DOCK3: variants seen among roughly 807,000 people sequenced by gnomAD.
DOCK3 encodes dedicator of cytokinesis 3.
In DOCK3, 60 loss-of-function variants were observed where a neutral mutation model predicts 265.6. That is an observed-to-expected ratio of 0.23 (90% CI 0.18 to 0.28). The LOEUF is 0.28. DOCK3 is among the 10% of genes least tolerant of loss of function. The pLI, the probability that DOCK3 is intolerant of heterozygous loss-of-function variation, is 1.00. For missense variants in DOCK3, 1,981 were observed against 2,594.3 expected, an observed-to-expected ratio of 0.76 and a Z score of 5.14; for synonymous variants, 881 against 938.0, an observed-to-expected ratio of 0.94 and a Z score of 1.11.
chr3:51,222,115 A>G (rs1003567188), intron 14 of DOCK3, among the ~76,000 whole-genome samples: 2 of 152,196 alleles, frequency 1.3e-5, no homozygotes, highest in Admixed American at 6.5e-5. Flanking sequence ...TTCGAATACA[A>G]TCATCCAGGC....
chr3:50,891,032 C>T (rs761850664), intron 4 of DOCK3, among the ~76,000 whole-genome samples: 4 of 151,982 alleles, frequency 2.6e-5, no homozygotes, highest in Non-Finnish European at 5.9e-5. Flanking sequence ...GAGGGAATAT[C>T]AAATAGCTAC....
At chr3:51,261,336 A>G (rs1201717158) in intron 23 of DOCK3, among the ~76,000 whole-genome samples, 1 of 152,104 alleles carries the variant, frequency 6.6e-6, no homozygotes, top group Non-Finnish European at 1.5e-5. Flanking sequence ...TCCCCTACCC[A>G]AGGGAAGCTG....
chr3:50,879,455 C>CA (rs753834374), intron 3 of DOCK3, among the ~76,000 whole-genome samples: 1,904 of 138,110 alleles, frequency 0.014, 26 homozygotes, highest in Non-Finnish European at 0.022. Context: ...AAATGGAAAA[C>CA]AAAAAAAAGG....
At chr3:51,190,417 T>TA (rs2087874738) in intron 12 of DOCK3, among the ~76,000 whole-genome samples, 1 of 152,170 alleles carries the variant, frequency 6.6e-6, no homozygotes, top group Admixed American at 6.5e-5. Context: ...ATTCCTTGGT[T>TA]ATAAATAGCC....
At chr3:51,236,047 G>T (rs1313016694) in intron 19 of DOCK3, among the ~76,000 whole-genome samples, 1 of 152,158 alleles carries the variant, frequency 6.6e-6, no homozygotes, top group Non-Finnish European at 1.5e-5. Flanking sequence ...TTCTGCATAG[G>T]TGTCCTATGG....
chr3:50,700,798 C>G (rs1157880444), intron 1 of DOCK3, among the ~76,000 whole-genome samples: 2 of 152,116 alleles, frequency 1.3e-5, no homozygotes, highest in Non-Finnish European at 2.9e-5. Flanking sequence ...GATAGATACT[C>G]GGTAGTGAGA....
intron 19 of DOCK3, among the ~76,000 whole-genome samples, chr3:51,230,390 C>T (rs2108405764): frequency 6.6e-6 from 1 of 152,254 alleles, no homozygotes; most frequent in Non-Finnish European, 1.5e-5. Flanking sequence ...TCTGTTCTTG[C>T]TAGTTTCTGT....
intron 1 of DOCK3, among the ~76,000 whole-genome samples, chr3:50,706,061 T>A (rs1288473140): frequency 6.6e-6 from 1 of 151,988 alleles, no homozygotes; most frequent in Non-Finnish European, 1.5e-5. Flanking sequence ...TTTTCTCCTG[T>A]ACGCTCACTT....
intron 2 of DOCK3, among the ~76,000 whole-genome samples, chr3:50,818,679 G>A (rs1440750493): frequency 6.6e-6 from 1 of 152,238 alleles, no homozygotes; most frequent in Non-Finnish European, 1.5e-5. Context: ...CAGGAAGGGA[G>A]AGGGGAGAAG....
At chr3:51,056,446 C>T (rs958287571) in intron 5 of DOCK3, among the ~76,000 whole-genome samples, 2 of 152,084 alleles carry the variant, frequency 1.3e-5, no homozygotes, top group African/African-American at 4.8e-5. Flanking sequence ...GACGAGGTTT[C>T]ACAGTGTTAG....
At chr3:50,765,082 T>G (rs1461562061) in intron 1 of DOCK3, among the ~76,000 whole-genome samples, 1 of 137,578 alleles carries the variant, frequency 7.3e-6, no homozygotes, top group Admixed American at 7.4e-5. Flanking sequence ...GTTTTTTTTT[T>G]TTTTTTTTTT....
At chr3:50,973,575 T>C (rs200226592) in intron 5 of DOCK3, among the ~76,000 whole-genome samples, 9,388 of 146,742 alleles carry the variant, frequency 0.064, 662 homozygotes, top group East Asian at 0.3. Context: ...TCTTTGCTAT[T>C]GTGAATAGTG....
intron 4 of DOCK3, among the ~76,000 whole-genome samples, chr3:50,901,459 A>AC (rs77692361): frequency 0.16 from 23,540 of 151,698 alleles, 2,262 homozygotes; most frequent in African/African-American, 0.26. Context: ...CTCTGGCTTC[A>AC]CCCCCTTTCT....
intron 4 of DOCK3, among the ~76,000 whole-genome samples, chr3:50,904,020 T>C (rs1279356811): frequency 1.3e-5 from 2 of 152,096 alleles, no homozygotes; most frequent in African/African-American, 4.8e-5. Flanking sequence ...TGGTGTTTGG[T>C]TTTTTGTCCT....
chr3:50,763,116 C>T (rs182581293), intron 1 of DOCK3, among the ~76,000 whole-genome samples: 172 of 152,158 alleles, frequency 1.1e-3, no homozygotes, highest in Non-Finnish European at 2.1e-3. Context: ...TTTCAACTTA[C>T]AGTGGGGTTA....
chr3:51,275,690 A>G (rs111957779), intron 25 of DOCK3, among the ~76,000 whole-genome samples: 2,180 of 152,260 alleles, frequency 0.014, 62 homozygotes, highest in African/African-American at 0.048. Context: ...GTTGCCCACC[A>G]GAGCTCTGAG....
chr3:50,724,941 C>A (rs562777129), intron 1 of DOCK3, among the ~76,000 whole-genome samples: 1 of 151,152 alleles, frequency 6.6e-6, no homozygotes, highest in Non-Finnish European at 1.5e-5. Context: ...TGCAGTGAGC[C>A]GAGATAGTGC....
chr3:51,023,050 A>G (rs1312398339), intron 5 of DOCK3, among the ~76,000 whole-genome samples: 1 of 152,080 alleles, frequency 6.6e-6, no homozygotes, highest in East Asian at 1.9e-4. Flanking sequence ...TTTGCAATGA[A>G]TTTTCTAGGA....
At chr3:51,312,931 C>G (rs1392753979) in intron 31 of DOCK3, 29 bp downstream of exon 31, 3 of 1,575,250 alleles carry the variant, frequency 1.9e-6, no homozygotes, top group Non-Finnish European at 2.6e-6. Context: ...TTCTTCCCTT[C>G]TATATATTGC....
Sources: allele counts gnomAD v4.1 joint callset (sites outside exome capture counted in the v4.1 genomes callset), GRCh38; gene constraint gnomAD v4.1.1; transcripts MANE v1.5; gene names NCBI Gene and HGNC (gene_info 2026-07-23, HGNC 2026-07-21).